The following KCNQ5 variants were observed in gnomAD, a reference collection of about 807,000 sequenced individuals.
KCNQ5 encodes potassium voltage-gated channel subfamily Q member 5.
Under a neutral mutation model 98.2 loss-of-function variants are expected in KCNQ5, and 30 were observed. The observed-to-expected ratio is 0.31, with a 90% CI of 0.23 to 0.41. The LOEUF (loss-of-function observed/expected upper bound fraction) is 0.41, where lower values mean the gene tolerates loss of function less well. KCNQ5 is among the 10% of genes least tolerant of loss of function. KCNQ5 has a pLI of 1.00. For synonymous variants in KCNQ5, 458 were observed against 449.4 expected, an observed-to-expected ratio of 1.02 and a Z score of -0.24; for missense variants, 835 against 1,182.5, an observed-to-expected ratio of 0.71 and a Z score of 4.31.
intron 1 of KCNQ5, among the ~76,000 whole-genome samples, chr6:72,637,665 G>A (rs1412437338): frequency 2.6e-5 from 4 of 152,152 alleles, no homozygotes; most frequent in South Asian, 4.1e-4. Flanking sequence ...TGCAAAGTGA[G>A]ATTAAACTAG....
intron 1 of KCNQ5, among the ~76,000 whole-genome samples, chr6:72,823,454 C>A (rs1227733750): frequency 6.6e-6 from 1 of 152,098 alleles, no homozygotes; most frequent in Non-Finnish European, 1.5e-5. Context: ...AGAATTTTCA[C>A]ATGTAAGAAT....
At chr6:73,022,960 T>A (rs140840406) in intron 2 of KCNQ5, among the ~76,000 whole-genome samples, 12 of 152,228 alleles carry the variant, frequency 7.9e-5, no homozygotes, top group Non-Finnish European at 1.3e-4. Context: ...TGATTGGAAA[T>A]GGAAAGGAGG....
intron 1 of KCNQ5, chr6:72,987,086 G>A (rs1768816362): frequency 1.5e-6 from 1 of 676,414 alleles, no homozygotes; most frequent in Non-Finnish European, 2.6e-6. Context: ...GAAGTAAAAC[G>A]AAGCCAAAGT....
At chr6:72,845,471 C>A (rs1415550064) in intron 1 of KCNQ5, among the ~76,000 whole-genome samples, 1 of 152,154 alleles carries the variant, frequency 6.6e-6, no homozygotes, top group African/African-American at 2.4e-5. Flanking sequence ...GAGTTTTATG[C>A]AGACTATTTC....
At chr6:72,683,811 T>C (rs1767824472) in intron 1 of KCNQ5, among the ~76,000 whole-genome samples, 1 of 152,184 alleles carries the variant, frequency 6.6e-6, no homozygotes, top group Non-Finnish European at 1.5e-5. Context: ...CAAGTTATGA[T>C]GAATAAAGTA....
At chr6:72,946,989 A>G (rs765942893) in intron 1 of KCNQ5, among the ~76,000 whole-genome samples, 9 of 152,144 alleles carry the variant, frequency 5.9e-5, no homozygotes, top group Non-Finnish European at 1.2e-4. Context: ...ACAACTCTTC[A>G]TATTCCTAGC....
At chr6:73,124,656 C>T in intron 9 of KCNQ5, 144 bp downstream of exon 9, 1 of 762,048 alleles carries the variant, frequency 1.3e-6, no homozygotes, top group South Asian at 1.6e-5. Flanking sequence ...GCAAAGATTG[C>T]TATTTTATTG....
intron 3 of KCNQ5, among the ~76,000 whole-genome samples, chr6:73,063,161 A>G (rs1459120628): frequency 1.3e-5 from 2 of 152,222 alleles, no homozygotes; most frequent in African/African-American, 4.8e-5. Flanking sequence ...CCTAAGTTGT[A>G]GTATCACATG....
chr6:72,631,275 G>A (rs1309183245), intron 1 of KCNQ5, among the ~76,000 whole-genome samples: 1 of 152,148 alleles, frequency 6.6e-6, no homozygotes, highest in Non-Finnish European at 1.5e-5. Flanking sequence ...AGCAGCTCTT[G>A]GATGATGATT....
rs141892155 is a variant in KCNQ5 at position 72,821,377 on chromosome 6, T to C, written c.399-182531T>C. Among the ~76,000 whole-genome samples the C allele has an allele frequency of 2.9e-3, 436 of 152,312 alleles. 3 individuals are homozygous for C. The highest frequency in any genetic ancestry group is 0.01 in the African/African-American group (420 of 41,564). ...CTTCTCTCTAACATGTGGACACTTA[T>C]AGATATTACCTTTTTCCTTGAGCTC... is the stretch of plus-strand genomic sequence containing the variant. On this transcript the variant is annotated intron_variant, in intron 1 of 13. Transcript: ENST00000370398.
chr6:72,907,950 T>C (rs912100789), intron 1 of KCNQ5, among the ~76,000 whole-genome samples: 59 of 152,126 alleles, frequency 3.9e-4, no homozygotes, highest in Admixed American at 2.6e-4. Flanking sequence ...CTAACCACTA[T>C]CATGCTGTGA....
intron 11 of KCNQ5, among the ~76,000 whole-genome samples, chr6:73,177,931 G>A (rs895642456): frequency 3.9e-5 from 6 of 152,176 alleles, no homozygotes; most frequent in Non-Finnish European, 8.8e-5. Flanking sequence ...TGTTTTCACT[G>A]AAGATGCACT....
chr6:72,968,913 A>G (rs1767742297), intron 1 of KCNQ5, among the ~76,000 whole-genome samples: 1 of 152,166 alleles, frequency 6.6e-6, no homozygotes. Flanking sequence ...AAACAATGTG[A>G]TCTCTTACTA....
rs117761285 is a variant in KCNQ5 at position 72,903,418 on chromosome 6, G to A, written c.399-100490G>A. Among the ~76,000 whole-genome samples, 1,196 of 152,224 alleles carry A rather than the reference G, an allele frequency of 7.9e-3. 6 individuals are homozygous for A. The highest frequency in any genetic ancestry group is 0.012 in the Non-Finnish European group (845 of 67,980). ...TTTCTCTAGTTCCTTGAGGTGTGAC[G>A]TTAGATTGTCAGTTTGTGCTCTTAC... On this transcript the variant is annotated intron_variant, in intron 1 of 13. Coordinates refer to ENST00000370398, the MANE Select transcript of KCNQ5 (RefSeq NM_019842.4).
intron 10 of KCNQ5, among the ~76,000 whole-genome samples, chr6:73,167,437 G>A (rs540302695): frequency 1.6e-3 from 246 of 152,318 alleles, no homozygotes; most frequent in Middle Eastern, 6.8e-3. Flanking sequence ...CAGGGAACTG[G>A]ATTCTAATGT....
chr6:73,099,162 A>C (rs61692084), intron 5 of KCNQ5, among the ~76,000 whole-genome samples: 1 of 152,128 alleles, frequency 6.6e-6, no homozygotes, highest in East Asian at 1.9e-4. Context: ...GATACACACA[A>C]AAAAATAAAA....
chr6:72,802,384 C>G (rs1392190436), intron 1 of KCNQ5, among the ~76,000 whole-genome samples: 1 of 152,082 alleles, frequency 6.6e-6, no homozygotes, highest in Non-Finnish European at 1.5e-5. Context: ...ATTTCATCTT[C>G]CATCACTGAC....
At chr6:72,676,981 T>G (rs1045296795) in intron 1 of KCNQ5, 1 of 152,182 alleles carries the variant, frequency 6.6e-6, no homozygotes, top group African/African-American at 2.4e-5. Context: ...GGTATATGTA[T>G]GTATGTATGT....
chr6:72,828,710 C>T (rs1776108711), intron 1 of KCNQ5, among the ~76,000 whole-genome samples: 1 of 152,042 alleles, frequency 6.6e-6, no homozygotes, highest in African/African-American at 2.4e-5. Flanking sequence ...AATCTTTGTA[C>T]TACCTACCTC....
Sources: allele counts gnomAD v4.1 joint callset (sites outside exome capture counted in the v4.1 genomes callset), GRCh38; gene constraint gnomAD v4.1.1; transcripts MANE v1.5; gene names NCBI Gene and HGNC (gene_info 2026-07-23, HGNC 2026-07-21).